ST3GAL2: variants seen among roughly 807,000 people sequenced by gnomAD.
ST3GAL2 encodes the protein ST3 beta-galactoside alpha-2,3-sialyltransferase 2.
A neutral mutation model predicts 37.5 loss-of-function variants in ST3GAL2; 16 were observed. The ratio of observed to expected loss-of-function variants is 0.43; its 90% CI spans 0.29 to 0.65. The LOEUF (loss-of-function observed/expected upper bound fraction) is 0.65. ST3GAL2 is among the 30% of genes least tolerant of loss of function. The pLI is 0.17. For missense variants in ST3GAL2, 383 were observed against 487.8 expected (o/e 0.79, Z 2.02); for synonymous variants, 238 against 202.9 (o/e 1.17, Z -1.47).
At chr16:70,434,121 C>T (rs552131509) in intron 1 of ST3GAL2, among the ~76,000 whole-genome samples, 1 of 152,322 alleles carries the variant, frequency 6.6e-6, no homozygotes, top group African/African-American at 2.4e-5. Flanking sequence ...CTCCACAACA[C>T]TCAGCACAGT....
chr16:70,393,017 A>G (rs1352327963), intron 3 of ST3GAL2, among the ~76,000 whole-genome samples: 5 of 151,956 alleles, frequency 3.3e-5, no homozygotes, highest in African/African-American at 1.2e-4. Context: ...CCCTTCCAGA[A>G]AGTGATTCTG....
At chr16:70,405,581 A>C (rs549823897) in intron 1 of ST3GAL2, among the ~76,000 whole-genome samples, 47 of 151,834 alleles carry the variant, frequency 3.1e-4, no homozygotes, top group South Asian at 2.1e-4. Context: ...AAAAAGGAAT[A>C]AGGCACAAAA....
chr16:70,410,571 T>TC (rs1198911387), intron 1 of ST3GAL2, among the ~76,000 whole-genome samples: 5 of 151,908 alleles, frequency 3.3e-5, no homozygotes, highest in Non-Finnish European at 7.4e-5. Context: ...CCACTTTTTT[T>TC]CCCCCTCCTG....
chr16:70,424,412 A>C (rs1210932346), intron 1 of ST3GAL2, among the ~76,000 whole-genome samples: 1 of 148,152 alleles, frequency 6.7e-6, no homozygotes, highest in Admixed American at 6.7e-5. Context: ...GACCAGCCTG[A>C]CCAACATGGA....
At chr16:70,388,234 T>G (rs539042413) in intron 4 of ST3GAL2, 133 bp downstream of exon 4, 89 of 1,137,618 alleles carry the variant, frequency 7.8e-5, no homozygotes, top group Middle Eastern at 6.0e-4. Context: ...CCCACCAACT[T>G]AGGCCCTCCC....
rs2047345248 is a variant in ST3GAL2 at position 70,376,280 on chromosome 16, CAA to C, written c.*5407_*5408del. 1 of 152,202 alleles carries C rather than the reference CAA, an allele frequency of 6.6e-6. No individual in the cohort carries two copies. The highest frequency in any genetic ancestry group is 1.5e-5 in the Non-Finnish European group (1 of 68,038). 9.4% of individuals were successfully genotyped at this position (152,202 alleles called of 1,614,324 possible). ...TTTTGTAATTTTAAAAAAGGAAAGGCAAAGTCATTTTATAGCAAGGCCGGATG... is the reference window on the plus strand; with the variant it reads ...TTTTGTAATTTTAAAAAAGGAAAGGCAGTCATTTTATAGCAAGGCCGGATG... On this transcript the variant is annotated 3_prime_UTR_variant, in exon 7 of 7. Transcript: ENST00000342907.
In ST3GAL2 at chr16:70,381,456, C is replaced by G. The variant is rs1389019060; in HGVS notation, c.*233G>C. 11 of 572,732 alleles carry G rather than the reference C, an allele frequency of 1.9e-5. No individual in the cohort carries two copies. The highest frequency in any genetic ancestry group is 1.9e-4 in the African/African-American group (10 of 52,916). 35.5% of individuals were successfully genotyped at this position (572,732 alleles called of 1,614,324 possible). On this transcript the variant is annotated 3_prime_UTR_variant, in exon 7 of 7. Coordinates refer to ENST00000342907, the MANE Select transcript of ST3GAL2 (RefSeq NM_006927.4). ...GCCATTGATTGGAGGAGACTGGACACAGCGCCGGAAGTTTTCCTTGAGTCA... is the reference window on the plus strand; with the variant it reads ...GCCATTGATTGGAGGAGACTGGACAGAGCGCCGGAAGTTTTCCTTGAGTCA...
chr16:70,404,556 T>C (rs79421354), intron 1 of ST3GAL2, among the ~76,000 whole-genome samples: 7,890 of 152,194 alleles, frequency 0.052, 267 homozygotes, highest in Non-Finnish European at 0.072. Flanking sequence ...CCAGTGTTAG[T>C]GAGGACGCAG....
At chr16:70,428,284 T>C (rs975360410) in intron 1 of ST3GAL2, among the ~76,000 whole-genome samples, 1 of 152,234 alleles carries the variant, frequency 6.6e-6, no homozygotes, top group Non-Finnish European at 1.5e-5. Context: ...AGCCAGGGGC[T>C]GTGTATTTCA....
intron 1 of ST3GAL2, among the ~76,000 whole-genome samples, chr16:70,407,603 A>G (rs1215002657): frequency 6.6e-6 from 1 of 151,856 alleles, no homozygotes; most frequent in African/African-American, 2.4e-5. Context: ...GGCCTTGAAG[A>G]CCCCGCCTTC....
chr16:70,383,206 C>T lies in ST3GAL2; in HGVS notation c.743G>A (p.Arg248Gln), dbSNP rs114603834. The T allele has an allele frequency of 7.6e-4, 1,230 of 1,610,654 alleles. 12 individuals carry two copies. In the African/African-American group the frequency reaches 0.015, roughly 19 times the overall value. The change falls in exon 5 of 7, where the codon CGA (arginine) becomes CAA (glutamine). Residue 248 changes from arginine (R) to glutamine (Q), a missense_variant. Physicochemically the swap from Arg to Gln is conservative, Grantham distance 43 (BLOSUM62 1). Coordinates refer to ENST00000342907, the MANE Select transcript of ST3GAL2 (RefSeq NM_006927.4). Reference sequence around the variant, plus strand: ...GGAGCTTACCTTTTCTTTATCCACTCGAAGGAAGGACTTCACTGGGGCGTA... The same window carrying T: ...GGAGCTTACCTTTTCTTTATCCACTTGAAGGAAGGACTTCACTGGGGCGTA... The part of the protein sequence containing the change: ...FTYAPVKSFL[R>Q]VDKEKVQIYN...
In ST3GAL2 at chr16:70,381,242, T is replaced by A. The variant is rs1027709732; in HGVS notation, c.*447A>T. 1 of 162,522 alleles carries A rather than the reference T, an allele frequency of 6.2e-6. No individual in the cohort carries two copies. Among genetic ancestry groups the A allele is most frequent in the South Asian group, 1.4e-4 (1 of 6,956 alleles). 10.1% of individuals were successfully genotyped at this position (162,522 alleles called of 1,614,324 possible). ...AGGGGCCGGGCGGCCACCTATCTCC[T>A]GAGGCCCGCAAAGACCGCCCGCTCT... On this transcript the variant is annotated 3_prime_UTR_variant, in exon 7 of 7. Transcript: ENST00000342907.
intron 1 of ST3GAL2, among the ~76,000 whole-genome samples, chr16:70,431,659 C>CT (rs1275172973): frequency 1.5e-5 from 2 of 135,186 alleles, no homozygotes; most frequent in Non-Finnish European, 3.0e-5. Context: ...ACTCCCATCT[C>CT]TTTAAAAAAA....
intron 1 of ST3GAL2, among the ~76,000 whole-genome samples, chr16:70,418,927 G>C (rs578240431): frequency 6.6e-6 from 1 of 152,120 alleles, no homozygotes; most frequent in Non-Finnish European, 1.5e-5. Context: ...GAACAACCCC[G>C]AGCAAGGGCA....
rs559243495 is a variant in ST3GAL2, at chr16:70,396,317, C to T, written c.340-1142G>A. Among the ~76,000 whole-genome samples, 11 of 147,106 alleles carry T rather than the reference C, an allele frequency of 7.5e-5. 2 individuals carry two copies. The South Asian group carries it at 2.4e-3, about 32-fold the overall frequency. The stretch of plus-strand genomic sequence containing the variant: ...TTTACTCAAAAAAAAAAAAAAAAAC[C>T]CACATAAAAATAAAATAAAACATTA... On this transcript the variant is annotated intron_variant, in intron 2 of 6. Transcript: ENST00000342907.
intron 1 of ST3GAL2, among the ~76,000 whole-genome samples, chr16:70,404,328 T>A (rs1418096346): frequency 6.6e-6 from 1 of 152,058 alleles, no homozygotes; most frequent in Admixed American, 6.6e-5. Flanking sequence ...GAATTAACAG[T>A]GTCAAGTGTT....
intron 1 of ST3GAL2, among the ~76,000 whole-genome samples, chr16:70,406,958 G>A (rs2047596602): frequency 6.6e-6 from 1 of 152,138 alleles, no homozygotes; most frequent in Admixed American, 6.6e-5. Flanking sequence ...TGATGGCATC[G>A]AGTGTCGTCC....
intron 1 of ST3GAL2, among the ~76,000 whole-genome samples, chr16:70,417,282 CA>C (rs1157000769): frequency 6.6e-6 from 1 of 151,442 alleles, no homozygotes; most frequent in Non-Finnish European, 1.5e-5. Flanking sequence ...ACTCTGGCTC[CA>C]CAGCGCCCCA....
chr16:70,390,916 A>G (rs2047478142), intron 3 of ST3GAL2, among the ~76,000 whole-genome samples: 1 of 152,102 alleles, frequency 6.6e-6, no homozygotes. Flanking sequence ...CGTGGACCAC[A>G]CCTTGTGGAA....
Sources: allele counts gnomAD v4.1 joint callset (sites outside exome capture counted in the v4.1 genomes callset), GRCh38; gene constraint gnomAD v4.1.1; transcripts MANE v1.5; gene names NCBI Gene and HGNC (gene_info 2026-07-23, HGNC 2026-07-21).